Variants in LMLN observed in about 807,000 individuals in gnomAD.
The protein encoded by LMLN is leishmanolysin like peptidase, also known as leishmanolysin-like peptidase.
Under a neutral mutation model 92.3 loss-of-function variants are expected in LMLN, and 70 were observed. That is an observed-to-expected ratio of 0.76 (90% CI 0.63 to 0.92). The LOEUF (loss-of-function observed/expected upper bound fraction) is 0.92. Ranked by LOEUF, LMLN falls within the 40% of genes least tolerant of loss-of-function variation. The probability of loss-of-function intolerance (pLI) is 0.00; values close to 1 mark genes in which losing one functional copy is unlikely to be tolerated. For synonymous variants in LMLN, 308 were observed against 296.2 expected (o/e 1.04, Z -0.41); for missense variants, 691 against 814.6 (o/e 0.85, Z 1.85).
chr3:197,974,572 A>G, intron 2 of LMLN, 98 bp downstream of exon 2: 2 of 624,570 alleles, frequency 3.2e-6, no homozygotes, highest in Non-Finnish European at 2.7e-6. Flanking sequence ...CATAGATAAA[A>G]CTTAAGGACT....
At chr3:197,977,587 T>C (rs1049727801) in intron 5 of LMLN, among the ~76,000 whole-genome samples, 22 of 151,674 alleles carry the variant, frequency 1.5e-4, no homozygotes, top group African/African-American at 4.9e-4. Context: ...ACGTTAAATC[T>C]GGATACATAT....
intron 1 of LMLN, among the ~76,000 whole-genome samples, chr3:197,967,028 C>T (rs79287214): frequency 0.067 from 10,135 of 152,126 alleles, 408 homozygotes; most frequent in African/African-American, 0.11. Flanking sequence ...GCCACTGGGC[C>T]CAAGGAGTCT....
intron 11 of LMLN, among the ~76,000 whole-genome samples, chr3:198,014,978 T>G (rs1337016266): frequency 7.3e-6 from 1 of 137,240 alleles, no homozygotes; most frequent in East Asian, 2.3e-4. Context: ...CTGACTTCTC[T>G]CCACCGTTCA....
chr3:198,003,188 TC>T (rs1722222879), intron 11 of LMLN, 63 bp downstream of exon 12: 1 of 978,530 alleles, frequency 1.0e-6, no homozygotes, highest in Non-Finnish European at 1.5e-6. Flanking sequence ...TTATTCTTTA[TC>T]CTGAGCCTAA....
chr3:198,039,280 T>C (rs1470341327), exon 16 of LMLN: 4 of 154,146 alleles, frequency 2.6e-5, no homozygotes, highest in Non-Finnish European at 5.8e-5. Context: ...CCTCAACATT[T>C]TTATTAACAT....
chr3:197,961,057 C>T (rs1218527831), intron 1 of LMLN, among the ~76,000 whole-genome samples: 1 of 152,192 alleles, frequency 6.6e-6, no homozygotes, highest in Non-Finnish European at 1.5e-5. Context: ...TTCTTTGTCT[C>T]ATTTCAAATT....
chr3:198,014,061 C>T (rs1278440414), intron 11 of LMLN, among the ~76,000 whole-genome samples: 4 of 146,434 alleles, frequency 2.7e-5, no homozygotes, highest in Non-Finnish European at 6.0e-5. Context: ...CTGTACCCTT[C>T]AGAGCCTCCT....
In LMLN at chr3:198,019,259, G is replaced by C. The variant is rs773439614; in HGVS notation, c.1239G>C (p.Gln413His). Residue 413 changes from glutamine to histidine, a missense_variant, in exon 12 of 16, where the codon CAG becomes CAC. This residue lies in a region of LMLN where 352 missense variants were observed against 443.6 expected (regional missense o/e 0.79). Transcript: ENST00000330198. This position sits in a 1 kb window ranked among gnomAD's most constrained non-coding sequence, Gnocchi z 5.5. ...TACTTCTCTTTGTTTGCAGGAGACA[G>C]ATGCTGAGCCCTTACTGTGACACGC... The C allele has an allele frequency of 1.9e-6, 3 of 1,611,954 alleles. No individual in the cohort carries two copies. The South Asian group carries it at 3.3e-5, about 18-fold the overall frequency.
chr3:198,016,194 CAAAA>C (rs202075630), intron 11 of LMLN, among the ~76,000 whole-genome samples: 30 of 83,876 alleles, frequency 3.6e-4, no homozygotes, highest in African/African-American at 1.0e-3. Flanking sequence ...GTTGCAAAAA[CAAAA>C]AAAAAAAAAA....
intron 11 of LMLN, among the ~76,000 whole-genome samples, chr3:198,015,021 C>T (rs1467739926): frequency 6.9e-6 from 1 of 144,880 alleles, no homozygotes. Flanking sequence ...TCTCTCCACC[C>T]TTCAGAGCCC....
At chr3:198,037,863 GGT>G (rs1200761514) in intron 15 of LMLN, among the ~76,000 whole-genome samples, 7 of 152,202 alleles carry the variant, frequency 4.6e-5, no homozygotes, top group Non-Finnish European at 8.8e-5. Context: ...CTGATTGATT[GGT>G]GATATGAATG....
chr3:198,031,702 A>G lies in LMLN; in HGVS notation c.1657-4131A>G, dbSNP rs995740809. 3.3e-5 allele frequency among the ~76,000 whole-genome samples: 5 copies of G among 152,052 alleles called. No homozygotes were observed. Among genetic ancestry groups the G allele is most frequent in the Non-Finnish European group, 7.4e-5 (5 of 68,004 alleles). On this transcript the variant is annotated intron_variant, in intron 14 of 15. Coordinates refer to ENST00000330198, the Ensembl canonical transcript of LMLN. This position sits in a 1 kb window ranked among gnomAD's most constrained non-coding sequence, Gnocchi z 4.8. ...CTTCTCTGGAAGCTGTAAATTCTTAATTTTAACTTCGCATACCACATCCTC... is the reference window on the plus strand; with the variant it reads ...CTTCTCTGGAAGCTGTAAATTCTTAGTTTTAACTTCGCATACCACATCCTC...
At position 198,019,388 on chromosome 3, in the gene LMLN, A is replaced by G. The variant is rs768167007; in HGVS notation, c.1365+3A>G. The G allele has an allele frequency of 8.1e-6, 13 of 1,612,274 alleles. No homozygotes were observed. The African/African-American group carries it at 1.7e-4, about 22-fold the overall frequency. ...AGCCTTTACCACAGGAATACCAGGT[A>G]GAACAGGGCTGGGGCACAGTTTCAG... On this transcript the variant is annotated splice_donor_region_variant and intron_variant, in intron 12 of 15. Transcript: ENST00000330198. This position sits in a 1 kb window ranked among gnomAD's most constrained non-coding sequence, Gnocchi z 5.5.
intron 1 of LMLN, among the ~76,000 whole-genome samples, chr3:197,973,653 G>A (rs189348968): frequency 6.6e-6 from 1 of 152,298 alleles, no homozygotes; most frequent in Admixed American, 6.5e-5. Context: ...TCATAGCAGA[G>A]CAGGCAATAC....
chr3:198,019,360 C>T lies in LMLN; in HGVS notation c.1340C>T (p.Pro447Leu). Residue 447 changes from proline to leucine, a missense_variant, in exon 12 of 16, where the codon CCT (proline) becomes CTT (leucine). Pro to Leu is a moderately conservative substitution (Grantham distance 98, BLOSUM62 -3). Transcript: ENST00000330198. This position sits in a 1 kb window ranked among gnomAD's most constrained non-coding sequence, Gnocchi z 5.5. Reference sequence around the variant, plus strand: ...GCCGTGTGTAATTTGCAGAAGTTCCCTAAGCCTTTACCACAGGAATACCAG... The same window carrying T: ...GCCGTGTGTAATTTGCAGAAGTTCCTTAAGCCTTTACCACAGGAATACCAG... 3.1e-6 allele frequency: 5 copies of T among 1,614,020 alleles called. No homozygotes were observed. The highest frequency in any genetic ancestry group is 4.2e-6 in the Non-Finnish European group (5 of 1,179,990).
In LMLN at chr3:198,019,822, T is replaced by C. The variant is rs748984168; in HGVS notation, c.1365+437T>C. 6.6e-6 allele frequency among the ~76,000 whole-genome samples: 1 copy of C among 152,222 alleles called. No homozygotes were observed. Among genetic ancestry groups the C allele is most frequent in the Non-Finnish European group, 1.5e-5 (1 of 68,036 alleles). ...GATTAAGGAAATGGTCCCACATATC[T>C]TGTCTGGATCTCTGATTTGACCTTT... On this transcript the variant is annotated intron_variant, in intron 12 of 15. Coordinates refer to ENST00000330198, the Ensembl canonical transcript of LMLN. The surrounding 1 kb of genome is among the most constrained non-coding windows in gnomAD (Gnocchi z 5.5).
At chr3:198,010,535 T>C (rs1324766036) in intron 11 of LMLN, among the ~76,000 whole-genome samples, 2 of 152,028 alleles carry the variant, frequency 1.3e-5, no homozygotes, top group Non-Finnish European at 2.9e-5. Context: ...ACTGCAGCCT[T>C]GACCTCCTGG....
chr3:198,038,425 C>T, intron 15 of LMLN, 142 bp from the exon 17 acceptor site: 4 of 612,258 alleles, frequency 6.5e-6, no homozygotes, highest in African/African-American at 1.8e-5. Flanking sequence ...TTTTTTATAC[C>T]TGGGTTTTGC....
chr3:198,007,422 T>G (rs571464997), intron 11 of LMLN, among the ~76,000 whole-genome samples: 1 of 151,144 alleles, frequency 6.6e-6, no homozygotes, highest in East Asian at 1.9e-4. Flanking sequence ...TAGCACCATT[T>G]GTTGAAAAGG....
Sources: allele counts gnomAD v4.1 joint callset (sites outside exome capture counted in the v4.1 genomes callset), GRCh38; gene constraint gnomAD v4.1.1; regional missense constraint gnomAD v4.1.1; non-coding constraint Gnocchi (gnomAD v3.1); transcripts MANE v1.5; gene names NCBI Gene and HGNC (gene_info 2026-07-23, HGNC 2026-07-21).